PHIP: variants seen among roughly 807,000 people sequenced by gnomAD.
The protein encoded by PHIP is PHIP subunit of CUL4-Ring ligase complex.
Under a neutral mutation model 236.8 loss-of-function variants are expected in PHIP, and 54 were observed. The ratio of observed to expected loss-of-function variants is 0.23; its 90% confidence interval spans 0.18 to 0.29. The LOEUF (loss-of-function observed/expected upper bound fraction) is 0.29, where lower values mean the gene tolerates loss of function less well. Ranked by LOEUF, PHIP falls within the 10% of genes least tolerant of loss-of-function variation. PHIP has a pLI of 1.00. For synonymous variants in PHIP, 756 were observed against 718.9 expected, an observed-to-expected ratio of 1.05 and a Z score of -0.83; for missense variants, 1,370 against 2,190.8, an observed-to-expected ratio of 0.63 and a Z score of 7.48.
chr6:79,064,787 T>A (rs1398755975), intron 4 of PHIP, among the ~76,000 whole-genome samples: 1 of 152,216 alleles, frequency 6.6e-6, no homozygotes, highest in Non-Finnish European at 1.5e-5. Context: ...CTTCTCACTA[T>A]ATACTCTCTC....
chr6:79,073,087 G>C (rs1773968784), intron 4 of PHIP, among the ~76,000 whole-genome samples: 1 of 152,146 alleles, frequency 6.6e-6, no homozygotes, highest in South Asian at 2.1e-4. Flanking sequence ...ATTATGGTTT[G>C]GGAAAGGGAC....
intron 6 of PHIP, among the ~76,000 whole-genome samples, chr6:79,047,977 G>T: frequency 6.7e-6 from 1 of 149,026 alleles, no homozygotes. Context: ...TTACATTATT[G>T]TATATATGGT....
At chr6:78,972,221 C>T (rs191500722) in intron 24 of PHIP, among the ~76,000 whole-genome samples, 2,975 of 152,274 alleles carry the variant, frequency 0.02, 83 homozygotes, top group African/African-American at 0.068. Flanking sequence ...TCCCTGACCC[C>T]TGACCCCTGA....
chr6:78,960,197 G>C (rs930400450), intron 31 of PHIP, among the ~76,000 whole-genome samples: 7 of 152,106 alleles, frequency 4.6e-5, no homozygotes, highest in African/African-American at 1.7e-4. Context: ...TCAAACCATT[G>C]TAAGTCAAAC....
chr6:78,990,770 A>C (rs1435311505), intron 20 of PHIP, 98 bp downstream of exon 20: 9 of 588,166 alleles, frequency 1.5e-5, no homozygotes, highest in Non-Finnish European at 2.1e-5. Context: ...TTTATCATTA[A>C]CCTGTTTATA....
chr6:79,047,304 A>AG (rs1248328358), intron 6 of PHIP, among the ~76,000 whole-genome samples: 35 of 152,212 alleles, frequency 2.3e-4, no homozygotes, highest in Non-Finnish European at 3.7e-4. Context: ...TTTAGGTGCT[A>AG]GGATAATAAG....
chr6:79,018,298 T>C (rs1443789744), intron 10 of PHIP, among the ~76,000 whole-genome samples: 2 of 151,946 alleles, frequency 1.3e-5, no homozygotes, highest in Non-Finnish European at 2.9e-5. Context: ...ACTGAATCCA[T>C]GGCAGTGGCA....
intron 4 of PHIP, among the ~76,000 whole-genome samples, chr6:79,065,805 CAGAAT>C (rs1178780969): frequency 1.4e-5 from 2 of 140,026 alleles, no homozygotes; most frequent in East Asian, 2.1e-4. Context: ...CACACACACA[CAGAAT>C]AAACAAAAAT....
intron 9 of PHIP, among the ~76,000 whole-genome samples, chr6:79,021,412 T>C (rs1045078025): frequency 5.3e-5 from 8 of 152,098 alleles, no homozygotes; most frequent in African/African-American, 1.9e-4. Flanking sequence ...CCTCCCAAAG[T>C]GCTGGGATCA....
intron 4 of PHIP, among the ~76,000 whole-genome samples, chr6:79,076,671 T>TA (rs1774176671): frequency 6.6e-6 from 1 of 152,032 alleles, no homozygotes; most frequent in African/African-American, 2.4e-5. Context: ...CATCCCACAG[T>TA]AAATATGTGG....
chr6:79,023,256 G>C (rs1418763067), intron 9 of PHIP, among the ~76,000 whole-genome samples: 2 of 151,994 alleles, frequency 1.3e-5, no homozygotes, highest in African/African-American at 2.4e-5. Context: ...TGTTGTTGTT[G>C]TTGTTTGTTT....
chr6:78,945,005 A>T (rs956317852), intron 39 of PHIP, among the ~76,000 whole-genome samples: 18 of 152,324 alleles, frequency 1.2e-4, no homozygotes, highest in Middle Eastern at 3.4e-3. Context: ...AATTACTTAA[A>T]CATTTTTCTA....
intron 30 of PHIP, 57 bp from the exon 31 acceptor site, chr6:78,961,867 A>C: frequency 1.3e-5 from 18 of 1,344,472 alleles, no homozygotes; most frequent in East Asian, 2.5e-5. Flanking sequence ...ATAATTCAAG[A>C]AGAATTCTGC....
chr6:78,984,564 G>C (rs1386501032), intron 22 of PHIP, among the ~76,000 whole-genome samples: 2 of 152,134 alleles, frequency 1.3e-5, no homozygotes, highest in African/African-American at 4.8e-5. Context: ...CTCAGGGTTT[G>C]AAATACTCTG....
At chr6:78,979,459 A>C (rs1768358629) in intron 23 of PHIP, among the ~76,000 whole-genome samples, 1 of 152,080 alleles carries the variant, frequency 6.6e-6, no homozygotes, top group East Asian at 1.9e-4. Context: ...AGTAAGTTAC[A>C]ACTAAATAAG....
In PHIP at chr6:78,966,895, A is replaced by G. The variant is rs137888124; in HGVS notation, c.3206-839T>C. On this transcript the variant is annotated intron_variant, in intron 27 of 39. Coordinates refer to ENST00000275034, the MANE Select transcript of PHIP (RefSeq NM_017934.7). ...ACTTGGGTTCAAATAACGTATCTGT[A>G]TAACTTTGAATATATTAATTATTTT... 6.4e-4 allele frequency among the ~76,000 whole-genome samples: 98 copies of G among 152,362 alleles called. 1 individual carries two copies. In the South Asian group the frequency reaches 8.1e-3, roughly 13 times the overall value.
Position 78,983,004 on chromosome 6 carries a change from T to C in PHIP, c.2651A>G (p.Glu884Gly). ...TKKAESSSDEEEESEKQKQKQ... is the reference protein window; with the variant it reads ...TKKAESSSDEGEESEKQKQKQ... The stretch of plus-strand genomic sequence containing the variant: ...TTGCTTCTGTTTTTCAGATTCTTCT[T>C]CTTCATCTGAACTGCTTTCTGCTTT... The change falls in exon 23 of 40, where the codon GAA becomes GGA. Residue 884 changes from glutamate (E) to glycine (G), a missense_variant. Transcript: ENST00000275034. 6.2e-7 allele frequency: 1 copy of C among 1,608,524 alleles called. No homozygotes were observed. Among genetic ancestry groups the C allele is most frequent in the Non-Finnish European group, 8.5e-7 (1 of 1,176,086 alleles).
At chr6:79,002,173 T>C (rs761779789) in intron 16 of PHIP, 49 bp from the exon 17 acceptor site, 26 of 1,327,978 alleles carry the variant, frequency 2.0e-5, no homozygotes, top group Non-Finnish European at 2.6e-5. Context: ...AAATGTATCA[T>C]TGTAGAAAAA....
chr6:78,974,526 CA>C (rs1257855024), intron 24 of PHIP, among the ~76,000 whole-genome samples: 1 of 151,680 alleles, frequency 6.6e-6, no homozygotes, highest in Non-Finnish European at 1.5e-5. Flanking sequence ...TAACTAAGAT[CA>C]GAGCAGAACT....
Sources: allele counts gnomAD v4.1 joint callset (sites outside exome capture counted in the v4.1 genomes callset), GRCh38; gene constraint gnomAD v4.1.1; transcripts MANE v1.5; gene names NCBI Gene and HGNC (gene_info 2026-07-23, HGNC 2026-07-21).